The following FOXP2 variants were observed in gnomAD, a reference collection of about 807,000 sequenced individuals.
The protein encoded by FOXP2 is forkhead box P2, also known as forkhead box protein P2.
FOXP2 carries 12 observed loss-of-function variants against 115.8 expected under a neutral mutation model. That is an observed-to-expected ratio of 0.10 (90% CI 0.07 to 0.17). FOXP2 has a LOEUF of 0.17. Ranked by LOEUF, FOXP2 falls within the 10% of genes least tolerant of loss-of-function variation. The pLI, the probability that FOXP2 is intolerant of heterozygous loss-of-function variation, is 1.00. For synonymous variants in FOXP2, 328 were observed against 297.7 expected (o/e 1.10, Z -1.05); for missense variants, 629 against 843.5 (o/e 0.75, Z 3.15).
intron 2 of FOXP2, among the ~76,000 whole-genome samples, chr7:114,436,579 C>T (rs1172487752): frequency 1.3e-5 from 2 of 151,226 alleles, no homozygotes; most frequent in African/African-American, 4.9e-5. Context: ...CTTTGCTAGA[C>T]AGCAAATAAA....
chr7:114,331,243 A>C (rs908978535), intron 2 of FOXP2, among the ~76,000 whole-genome samples: 1 of 152,204 alleles, frequency 6.6e-6, no homozygotes, highest in African/African-American at 2.4e-5. Context: ...TATAATTAAT[A>C]CAAAATATAC....
intron 1 of FOXP2, among the ~76,000 whole-genome samples, chr7:114,207,485 A>G (rs1388967213): frequency 6.6e-6 from 1 of 152,218 alleles, no homozygotes. Context: ...TAAATACAGT[A>G]TAAAACATTT....
At chr7:114,178,577 A>G (rs2129154581) in intron 1 of FOXP2, among the ~76,000 whole-genome samples, 1 of 152,068 alleles carries the variant, frequency 6.6e-6, no homozygotes, top group East Asian at 1.9e-4. Context: ...TAACTTGATA[A>G]TGCCAAGATA....
chr7:114,358,871 G>T (rs1791677497), intron 2 of FOXP2, among the ~76,000 whole-genome samples: 1 of 152,118 alleles, frequency 6.6e-6, no homozygotes, highest in African/African-American at 2.4e-5. Flanking sequence ...AGGGAGCAGA[G>T]GATAAATGTT....
At chr7:114,176,232 T>TCTC (rs1562992727) in intron 1 of FOXP2, among the ~76,000 whole-genome samples, 149 of 146,580 alleles carry the variant, frequency 1.0e-3, no homozygotes, top group African/African-American at 3.7e-3. Context: ...TTGTCTTGTC[T>TCTC]TTTCTTTCTT....
At chr7:114,635,359 A>T (rs1447646630) in intron 6 of FOXP2, among the ~76,000 whole-genome samples, 1 of 152,156 alleles carries the variant, frequency 6.6e-6, no homozygotes, top group East Asian at 1.9e-4. Flanking sequence ...CAATATGAAC[A>T]ATCCATGTCA....
chr7:114,418,564 GA>G (rs1271019274), intron 1 of FOXP2, among the ~76,000 whole-genome samples: 2 of 151,678 alleles, frequency 1.3e-5, no homozygotes, highest in Non-Finnish European at 2.9e-5. Context: ...AAAAAAGAAA[GA>G]GAAAAGGAAA....
intron 2 of FOXP2, among the ~76,000 whole-genome samples, chr7:114,307,841 C>T (rs1271863109): frequency 6.6e-6 from 1 of 152,128 alleles, no homozygotes; most frequent in African/African-American, 2.4e-5. Context: ...TAGTTTAGGT[C>T]TCATGATGTT....
chr7:114,289,922 T>C lies in FOXP2; in HGVS notation c.-11+1813T>C, dbSNP rs114265940. On this transcript the variant is annotated intron_variant, in intron 2 of 17. Transcript: ENST00000634411. The stretch of plus-strand genomic sequence containing the variant: ...AACCCTTGAGCTGGAAGTATGATTA[T>C]AAGGGAGGAAGAAAATGTTGGAGAA... Among the ~76,000 whole-genome samples, 417 of 152,080 alleles carry C rather than the reference T, an allele frequency of 2.7e-3. 2 individuals are homozygous for C. Among genetic ancestry groups the C allele is most frequent in the African/African-American group, 9.2e-3 (383 of 41,542 alleles).
chr7:114,248,027 G>T (rs550183065), intron 1 of FOXP2, among the ~76,000 whole-genome samples: 1 of 152,012 alleles, frequency 6.6e-6, no homozygotes, highest in Non-Finnish European at 1.5e-5. Flanking sequence ...TAATATGGAC[G>T]CTAAAACATC....
At chr7:114,529,472 T>G (rs1799033851) in intron 2 of FOXP2, among the ~76,000 whole-genome samples, 1 of 151,864 alleles carries the variant, frequency 6.6e-6, no homozygotes, top group Non-Finnish European at 1.5e-5. Flanking sequence ...ATTACTCTTA[T>G]TAAAGTACTC....
rs377710674 is a variant in FOXP2, at chr7:114,593,806, G to A, written c.259-34734G>A. Among the ~76,000 whole-genome samples, 6 of 152,044 alleles carry A rather than the reference G, an allele frequency of 3.9e-5. No homozygotes were observed. In the East Asian group the frequency reaches 9.6e-4, roughly 24 times the overall value. On this transcript the variant is annotated intron_variant, in intron 3 of 16. Transcript: ENST00000350908. ...CAAATGTACTAGGTTGAATAAAGCA[G>A]TTTATATTGCAAATAAGTTCTATGC...
chr7:114,164,994 A>AT (rs397770744), intron 1 of FOXP2, among the ~76,000 whole-genome samples: 1 of 151,774 alleles, frequency 6.6e-6, no homozygotes, highest in Non-Finnish European at 1.5e-5. Context: ...ATATATATAT[A>AT]AAGTTCCAAA....
intron 2 of FOXP2, among the ~76,000 whole-genome samples, chr7:114,517,027 T>A (rs1798379196): frequency 6.6e-6 from 1 of 152,062 alleles, no homozygotes; most frequent in Non-Finnish European, 1.5e-5. Context: ...CTTTTTTTTT[T>A]TAAATAATAT....
At chr7:114,384,042 TC>T (rs1294876898) in intron 2 of FOXP2, among the ~76,000 whole-genome samples, 1 of 143,480 alleles carries the variant, frequency 7.0e-6, no homozygotes, top group Admixed American at 6.8e-5. Flanking sequence ...GCCCAACATT[TC>T]CTTTGTGCTC....
In FOXP2 at chr7:114,330,752, A is replaced by G. The variant is rs576607707; in HGVS notation, c.-11+42643A>G. Among the ~76,000 whole-genome samples, 13 of 152,148 alleles carry G rather than the reference A, an allele frequency of 8.5e-5. No individual in the cohort carries two copies. The East Asian group carries it at 1.9e-3, about 23-fold the overall frequency. Reference sequence around the variant, plus strand: ...TATTATTTAGTCTCAATAAAGATATATGTTTTTATATAAGGAAAAAACAGT... The same window carrying G: ...TATTATTTAGTCTCAATAAAGATATGTGTTTTTATATAAGGAAAAAACAGT... On this transcript the variant is annotated intron_variant, in intron 2 of 17. Coordinates refer to the FOXP2 transcript ENST00000634411.
At chr7:114,340,041 C>A (rs1791161862) in intron 2 of FOXP2, among the ~76,000 whole-genome samples, 2 of 151,074 alleles carry the variant, frequency 1.3e-5, no homozygotes, top group African/African-American at 4.8e-5. Context: ...CTTTAAATAG[C>A]AACTGGTAGT....
At chr7:114,190,849 A>G (rs570140902) in intron 1 of FOXP2, among the ~76,000 whole-genome samples, 1 of 152,320 alleles carries the variant, frequency 6.6e-6, no homozygotes, top group East Asian at 1.9e-4. Context: ...AAAAATTGCT[A>G]TCAAATTGTA....
chr7:114,263,318 T>C (rs1437301236), intron 1 of FOXP2, among the ~76,000 whole-genome samples: 1 of 152,060 alleles, frequency 6.6e-6, no homozygotes, highest in African/African-American at 2.4e-5. Flanking sequence ...TCCTCTATTA[T>C]AGATTACCAA....
Sources: gnomAD v4.1 joint callset for allele counts (sites outside exome capture counted in the v4.1 genomes callset) on GRCh38, gnomAD v4.1.1 for gene constraint, MANE v1.5 for transcripts, NCBI Gene and HGNC (gene_info 2026-07-23, HGNC 2026-07-21) for gene names.